CIB2: variants seen among roughly 807,000 people sequenced by gnomAD.
CIB2 encodes calcium and integrin binding family member 2.
In CIB2, 19 loss-of-function variants were observed where a neutral mutation model predicts 23.1. The observed-to-expected ratio is 0.82, with a 90% CI of 0.57 to 1.21. The LOEUF is 1.21. Ranked by LOEUF, CIB2 falls within the 50% of genes most tolerant of loss-of-function variation. The probability of loss-of-function intolerance (pLI) is 0.00; values close to 1 mark genes in which losing one functional copy is unlikely to be tolerated. For missense variants in CIB2, 220 were observed against 241.5 expected (o/e 0.91, Z 0.59); for synonymous variants, 94 against 91.7 (o/e 1.03, Z -0.14).
At position 78,105,455 on chromosome 15, in the gene CIB2, C is replaced by T. The variant is rs570292707; in HGVS notation, c.543-123G>A. 57 of 1,557,086 alleles carry T rather than the reference C, an allele frequency of 3.7e-5. No homozygotes were observed. The South Asian group carries it at 6.5e-4, about 18-fold the overall frequency. The stretch of plus-strand genomic sequence containing the variant: ...GACAGTGCCTCATTAGGGAACCCTG[C>T]ATAGTGGATGCAGGTAATCAACACT... On this transcript the variant is annotated intron_variant, in intron 5 of 5. Coordinates refer to ENST00000258930, the MANE Select transcript of CIB2 (RefSeq NM_006383.4).
chr15:78,123,778 G>T, intron 1 of CIB2, 39 bp from the exon 2 acceptor site: 2 of 1,613,164 alleles, frequency 1.2e-6, no homozygotes. Context: ...TCAGTGTGCG[G>T]CTCCCAGACT....
At chr15:78,113,466 T>C (rs555372283) in intron 2 of CIB2, among the ~76,000 whole-genome samples, 5 of 152,202 alleles carry the variant, frequency 3.3e-5, no homozygotes, top group Admixed American at 1.3e-4. Flanking sequence ...CTTTTTTTTT[T>C]TTACACTGTC....
chr15:78,124,759 A>T (rs2074361216), intron 1 of CIB2, among the ~76,000 whole-genome samples: 1 of 152,176 alleles, frequency 6.6e-6, no homozygotes, highest in Non-Finnish European at 1.5e-5. Context: ...CCATAAGCTG[A>T]CCAGAGCCAG....
chr15:78,123,804 C>T lies in CIB2; in HGVS notation c.52-65G>A. 10 of 1,570,676 alleles carry T rather than the reference C, an allele frequency of 6.4e-6. 1 individual carries two copies. The highest frequency in any genetic ancestry group is 3.3e-5 in the South Asian group (3 of 90,210). ...CTCCCAGACTTTCTTCCTCAGAGGC[C>T]TCGATGCCACAGGGCTCACAGGGGA... On this transcript the variant is annotated intron_variant, in intron 1 of 5. Coordinates refer to ENST00000258930, the MANE Select transcript of CIB2 (RefSeq NM_006383.4).
At position 78,131,115 on chromosome 15, in the gene CIB2, G is replaced by A. The variant is rs1482283670; in HGVS notation, c.51+50C>T. On this transcript the variant is annotated intron_variant, in intron 1 of 5. Coordinates refer to ENST00000258930, the MANE Select transcript of CIB2 (RefSeq NM_006383.4). The surrounding 1 kb of genome is among the most constrained non-coding windows in gnomAD (Gnocchi z 5.8). ...CGGCCAGCGACCGAGAAAAGGGAGG[G>A]GCGGCGGGGCGGCGGGGCCTGTGTT... 1.3e-6 allele frequency: 2 copies of A among 1,497,058 alleles called. No individual in the cohort carries two copies. The highest frequency in any genetic ancestry group is 1.8e-6 in the Non-Finnish European group (2 of 1,109,126). 92.7% of individuals were successfully genotyped at this position (1,497,058 alleles called of 1,614,324 possible).
intron 2 of CIB2, among the ~76,000 whole-genome samples, chr15:78,119,764 G>T (rs1185812820): frequency 6.6e-6 from 1 of 151,752 alleles, no homozygotes; most frequent in Non-Finnish European, 1.5e-5. Context: ...GTAGAGTTGG[G>T]GTTTCACCAT....
At chr15:78,123,951 C>T (rs2074351290) in intron 1 of CIB2, among the ~76,000 whole-genome samples, 1 of 152,170 alleles carries the variant, frequency 6.6e-6, no homozygotes, top group African/African-American at 2.4e-5. Flanking sequence ...CCATCCTGGG[C>T]TAGGCCTAAG....
chr15:78,109,928 G>C (rs943537710), intron 3 of CIB2, among the ~76,000 whole-genome samples: 1 of 152,108 alleles, frequency 6.6e-6, no homozygotes, highest in African/African-American at 2.4e-5. Context: ...GCACACAGAG[G>C]CTCTGCCTGG....
chr15:78,127,783 C>T (rs2074400570), intron 1 of CIB2, among the ~76,000 whole-genome samples: 1 of 152,204 alleles, frequency 6.6e-6, no homozygotes, highest in East Asian at 1.9e-4. Context: ...AGGGGACCAT[C>T]ACACGGCTCA....
intron 4 of CIB2, among the ~76,000 whole-genome samples, chr15:78,107,187 A>C (rs557144332): frequency 1.1e-3 from 167 of 152,250 alleles, no homozygotes; most frequent in African/African-American, 3.7e-3. Context: ...GTGAGCTGAG[A>C]TCGCACCACT....
At chr15:78,125,044 C>A (rs1304390103) in intron 1 of CIB2, among the ~76,000 whole-genome samples, 1 of 152,196 alleles carries the variant, frequency 6.6e-6, no homozygotes, top group Non-Finnish European at 1.5e-5. Context: ...ACTAAGGATC[C>A]ATGCTGGCTT....
At chr15:78,126,957 T>C (rs1011663341) in intron 1 of CIB2, among the ~76,000 whole-genome samples, 18 of 152,114 alleles carry the variant, frequency 1.2e-4, no homozygotes, top group Non-Finnish European at 2.6e-4. Flanking sequence ...GGGAAAAGGT[T>C]TGGTAGTCAG....
chr15:78,130,800 G>A (rs2074442911), intron 1 of CIB2, among the ~76,000 whole-genome samples: 1 of 152,178 alleles, frequency 6.6e-6, no homozygotes, highest in African/African-American at 2.4e-5. Flanking sequence ...TCCTGGGGCT[G>A]GGGGGCAGGG....
intron 4 of CIB2, 128 bp from the exon 5 acceptor site, chr15:78,106,062 T>G (rs1209813008): frequency 2.7e-6 from 2 of 735,390 alleles, no homozygotes; most frequent in South Asian, 1.8e-5. Context: ...AGCATCTCCA[T>G]GCACACTCTT....
intron 2 of CIB2, among the ~76,000 whole-genome samples, chr15:78,116,402 G>A (rs946920680): frequency 7.2e-5 from 11 of 151,862 alleles, no homozygotes; most frequent in African/African-American, 2.7e-4. Flanking sequence ...AGGAGTTTGA[G>A]GCTGCAGTGA....
At chr15:78,119,431 G>C (rs1169947992) in intron 2 of CIB2, among the ~76,000 whole-genome samples, 1 of 152,198 alleles carries the variant, frequency 6.6e-6, no homozygotes, top group African/African-American at 2.4e-5. Context: ...ATTCTTTTGG[G>C]TATATACCCA....
intron 2 of CIB2, among the ~76,000 whole-genome samples, chr15:78,117,646 A>G (rs1335898704): frequency 1.3e-5 from 2 of 152,252 alleles, no homozygotes; most frequent in Non-Finnish European, 2.9e-5. Context: ...CTTACACTAT[A>G]AACCTGGGTT....
At chr15:78,123,655 C>T (rs780326959) in intron 2 of CIB2, 50 bp downstream of exon 2, 11 of 1,608,378 alleles carry the variant, frequency 6.8e-6, no homozygotes, top group Middle Eastern at 1.7e-4. Flanking sequence ...CCCAGCCTCA[C>T]CCCGGCCCCA....
chr15:78,112,654 C>T (rs1425863862), intron 2 of CIB2, among the ~76,000 whole-genome samples: 1 of 152,184 alleles, frequency 6.6e-6, no homozygotes, highest in Admixed American at 6.5e-5. Context: ...GGTAACCTGC[C>T]TAAAGTGATG....
Sources: allele counts gnomAD v4.1 joint callset (sites outside exome capture counted in the v4.1 genomes callset), GRCh38; gene constraint gnomAD v4.1.1; non-coding constraint Gnocchi (gnomAD v3.1); transcripts MANE v1.5; gene names NCBI Gene and HGNC (gene_info 2026-07-23, HGNC 2026-07-21).